Variants in AP1S1 observed in about 807,000 individuals in gnomAD.
The protein encoded by AP1S1 is AP-1 complex subunit sigma-1A.
Under a neutral mutation model 23.9 loss-of-function variants are expected in AP1S1, and 13 were observed. The observed-to-expected ratio is 0.54, with a 90% CI of 0.35 to 0.86. The LOEUF (loss-of-function observed/expected upper bound fraction) is 0.86, where lower values mean the gene tolerates loss of function less well. AP1S1 is among the 40% of genes least tolerant of loss of function. AP1S1 has a pLI of 0.01. For missense variants in AP1S1, 119 were observed against 197.6 expected, an observed-to-expected ratio of 0.60 and a Z score of 2.38; for synonymous variants, 84 against 77.7, an observed-to-expected ratio of 1.08 and a Z score of -0.43.
intron 2 of AP1S1, 84 bp downstream of exon 2, chr7:101,156,856 T>C: frequency 7.9e-7 from 1 of 1,259,358 alleles, no homozygotes; most frequent in Admixed American, 3.1e-5. Context: ...GTCCTGTAGG[T>C]CAGGGAGACC....
chr7:101,154,614 C>G (rs1485604338), intron 1 of AP1S1, 97 bp downstream of exon 1: 1 of 1,495,126 alleles, frequency 6.7e-7, no homozygotes, highest in African/African-American at 1.4e-5. Context: ...ACCGCCCTGT[C>G]TTCCCTCTGG....
intron 3 of AP1S1, 91 bp from the exon 4 acceptor site, chr7:101,158,968 G>T: frequency 1.3e-6 from 2 of 1,522,652 alleles, no homozygotes; most frequent in South Asian, 2.4e-5. Flanking sequence ...GGAGGTTGGG[G>T]GCAGAACCCA....
rs1156600264 is a variant in AP1S1, at chr7:101,160,540, G to A, written c.451G>A (p.Val151Met). The change falls in exon 5 of 5, where the codon GTG becomes ATG. Residue 151 changes from valine (V) to methionine (M), a missense_variant. Physicochemically the swap from Val to Met is conservative, Grantham distance 21. Coordinates refer to ENST00000337619, the MANE Select transcript of AP1S1 (RefSeq NM_001283.5). Reference protein sequence around the residue: ...LQEEDESPRSVLEEMGLA With the variant: ...LQEEDESPRSMLEEMGLA Reference sequence around the variant, plus strand: ...TTAGGAGGATGAGTCGCCACGGAGTGTGCTGGAGGAGATGGGTTTGGCATA... The same window carrying A: ...TTAGGAGGATGAGTCGCCACGGAGTATGCTGGAGGAGATGGGTTTGGCATA... 1 of 1,612,200 alleles carries A rather than the reference G, an allele frequency of 6.2e-7. No individual in the cohort carries two copies. The highest frequency in any genetic ancestry group is 8.5e-7 in the Non-Finnish European group (1 of 1,179,882).
rs1235948536 is a variant in AP1S1 at position 101,158,210 on chromosome 7, AGGGACAGCTCAGATCTTAGATGG to A, written c.291+728_291+750del. Among the ~76,000 whole-genome samples, 4 of 152,140 alleles carry A rather than the reference AGGGACAGCTCAGATCTTAGATGG, an allele frequency of 2.6e-5. No homozygotes were observed. In the East Asian group the frequency reaches 7.7e-4, roughly 29 times the overall value. On this transcript the variant is annotated intron_variant, in intron 3 of 4. Coordinates refer to ENST00000337619, the MANE Select transcript of AP1S1 (RefSeq NM_001283.5). The stretch of plus-strand genomic sequence containing the variant: ...CAGAGATTCTGAATTAACTTATCTG[AGGGACAGCTCAGATCTTAGATGG>A]GGCGTAGTAGTAACTCCATAATTTG...
At chr7:101,154,965 C>T in intron 1 of AP1S1, 2 of 1,020,122 alleles carry the variant, frequency 2.0e-6, no homozygotes, top group Non-Finnish European at 2.3e-6. Flanking sequence ...AGGGGAGTTT[C>T]CGGGTCGGAA....
At chr7:101,160,473 C>T (rs1797078730) in intron 4 of AP1S1, 46 bp from the exon 5 acceptor site, 28 of 1,603,984 alleles carry the variant, frequency 1.7e-5, no homozygotes, top group Non-Finnish European at 2.3e-5. Context: ...ACCCTGTCGG[C>T]CTCTCCTGGT....
intron 4 of AP1S1, chr7:101,159,461 A>T (rs755611510): frequency 1.2e-5 from 6 of 481,898 alleles, no homozygotes; most frequent in Non-Finnish European, 2.2e-5. Flanking sequence ...TCTCGTGGCC[A>T]CCCAGTCTCC....
At chr7:101,156,851 G>A (rs917349173) in intron 2 of AP1S1, 79 bp downstream of exon 2, 7 of 1,283,434 alleles carry the variant, frequency 5.5e-6, no homozygotes, top group East Asian at 2.7e-5. Flanking sequence ...TGGTCGTCCT[G>A]TAGGTCAGGG....
chr7:101,156,911 C>CTTTTT, intron 2 of AP1S1, 139 bp downstream of exon 2: 5 of 416,936 alleles, frequency 1.2e-5, no homozygotes, highest in South Asian at 1.4e-4. Flanking sequence ...TGTCAGCTTC[C>CTTTTT]TTTTTTTTTT....
Position 101,160,706 on chromosome 7 carries a change from C to A in AP1S1, c.*140C>A. 1 of 1,002,324 alleles carries A rather than the reference C, an allele frequency of 1.0e-6. No homozygotes were observed. Among genetic ancestry groups the A allele is most frequent in the Non-Finnish European group, 1.5e-6 (1 of 651,912 alleles). 62.1% of individuals were successfully genotyped at this position (1,002,324 alleles called of 1,614,324 possible). A position where few individuals can be genotyped will look rare whatever the true frequency, so the allele number is the denominator to read the frequency against. On this transcript the variant is annotated 3_prime_UTR_variant, in exon 5 of 5. Transcript: ENST00000337619. ...CTCACCTTTCGGAGTGAGCTGTGGG[C>A]TCAGGCCCTTCAAACATTCCCTCCC...
At position 101,155,049 on chromosome 7, in the gene AP1S1, C is replaced by T. The variant is rs947259886; in HGVS notation, c.3+532C>T. On this transcript the variant is annotated intron_variant, in intron 1 of 4. Coordinates refer to ENST00000337619, the MANE Select transcript of AP1S1 (RefSeq NM_001283.5). ...CCCAGGTAGGGAAGCGAAGTGGACT[C>T]GTGGTTTTTCTCCGAGGGACCCAGG... is the stretch of plus-strand genomic sequence containing the variant. 6.1e-6 allele frequency: 6 copies of T among 986,122 alleles called. No homozygotes were observed. The African/African-American group carries it at 1.0e-4, about 17-fold the overall frequency. The allele number at this position is 986,122 out of a possible 1,614,324, so 61.1% of individuals were successfully genotyped here.
chr7:101,156,754 T>A lies in AP1S1; in HGVS notation c.164T>A (p.Leu55His). Residue 55 changes from leucine to histidine, a missense_variant, in exon 2 of 5, where the codon CTC becomes CAC. Coordinates refer to ENST00000337619, the MANE Select transcript of AP1S1 (RefSeq NM_001283.5). ...KMCSFLEWRD[L>H]KVVYKRYASL... ...TGCAGCTTCCTGGAGTGGAGGGACCTCAAAGTTGTCTATAAGAGGTGACTC... is the reference window on the plus strand; with the variant it reads ...TGCAGCTTCCTGGAGTGGAGGGACCACAAAGTTGTCTATAAGAGGTGACTC... 6.3e-7 allele frequency: 1 copy of A among 1,581,524 alleles called. No individual in the cohort carries two copies.
At position 101,160,496 on chromosome 7, in the gene AP1S1, C is replaced by T. The variant is rs180687571; in HGVS notation, c.430-23C>T. 1.3e-4 allele frequency: 213 copies of T among 1,610,044 alleles called. No homozygotes were observed. The African/African-American group carries it at 2.1e-3, about 16-fold the overall frequency. ...GGCCTCTCCTGGTGTCTCTGCGTCA[C>T]CCTCTGTCTGTCTCTGCCTTAGGAG... On this transcript the variant is annotated intron_variant, in intron 4 of 4. Transcript: ENST00000337619.
At chr7:101,155,135 G>A (rs1796972870) in intron 1 of AP1S1, 7 of 691,238 alleles carry the variant, frequency 1.0e-5, no homozygotes, top group Non-Finnish European at 1.1e-5. Flanking sequence ...CCGGAATCCA[G>A]GCCTTCCGTC....
intron 1 of AP1S1, 42 bp downstream of exon 1, chr7:101,154,559 G>A (rs770173426): frequency 6.4e-7 from 1 of 1,552,862 alleles, no homozygotes; most frequent in Non-Finnish European, 8.7e-7. Context: ...AGCGAGGGGC[G>A]TGGGCTGCAC....
Position 101,160,633 on chromosome 7 carries a change from G to GC in AP1S1, c.*70dup. The GC allele has an allele frequency of 6.4e-7, 1 of 1,563,354 alleles. No homozygotes were observed. Among genetic ancestry groups the GC allele is most frequent in the Non-Finnish European group, 8.7e-7 (1 of 1,145,816 alleles). On this transcript the variant is annotated 3_prime_UTR_variant, in exon 5 of 5. Transcript: ENST00000337619. ...TGGCGGGAACGGCTGCTTCTCCTCT[G>GC]CCCAGGGCCCTGTTCTTGGTGGGAC...
chr7:101,158,849 G>A (rs1313449981), intron 3 of AP1S1, among the ~76,000 whole-genome samples: 1 of 152,212 alleles, frequency 6.6e-6, no homozygotes, highest in Non-Finnish European at 1.5e-5. Flanking sequence ...GCTGCAGTGA[G>A]CTGTGATCAT....
In AP1S1 at chr7:101,160,971, C is replaced by G. The variant is rs1797095948; in HGVS notation, c.*405C>G. 1 of 365,050 alleles carries G rather than the reference C, an allele frequency of 2.7e-6. No homozygotes were observed. The highest frequency in any genetic ancestry group is 5.3e-6 in the Non-Finnish European group (1 of 186,964). The allele number at this position is 365,050 out of a possible 1,614,324, so 22.6% of individuals were successfully genotyped here. A position where few individuals can be genotyped will look rare whatever the true frequency, so the allele number is the denominator to read the frequency against. On this transcript the variant is annotated 3_prime_UTR_variant, in exon 5 of 5. Coordinates refer to ENST00000337619, the MANE Select transcript of AP1S1 (RefSeq NM_001283.5). ...CTGTCCCATAACCTACCTCCACCCT[C>G]CCCCTAGCCAGCCAGGCAGCTTCTC...
At chr7:101,157,793 C>T (rs1010283159) in intron 3 of AP1S1, among the ~76,000 whole-genome samples, 1 of 152,090 alleles carries the variant, frequency 6.6e-6, no homozygotes, top group African/African-American at 2.4e-5. Context: ...TTTTTAGAGA[C>T]ACAGTCTCAC....
Sources: allele counts gnomAD v4.1 joint callset (sites outside exome capture counted in the v4.1 genomes callset), GRCh38; gene constraint gnomAD v4.1.1; transcripts MANE v1.5; gene names NCBI Gene and HGNC (gene_info 2026-07-23, HGNC 2026-07-21).